The following TMPRSS15 variants were observed in gnomAD, a reference collection of about 807,000 sequenced individuals.
TMPRSS15 encodes enteropeptidase.
Under a neutral mutation model 125.3 loss-of-function variants are expected in TMPRSS15, and 128 were observed. The ratio of observed to expected loss-of-function variants is 1.02; its 90% CI spans 0.89 to 1.18. TMPRSS15 has a LOEUF of 1.18. Ranked by LOEUF, TMPRSS15 falls within the 50% of genes most tolerant of loss-of-function variation. The pLI, the probability that TMPRSS15 is intolerant of heterozygous loss-of-function variation, is 0.00. For missense variants in TMPRSS15, 1,283 were observed against 1,212.7 expected (o/e 1.06, Z -0.86); for synonymous variants, 446 against 423.2 (o/e 1.05, Z -0.66).
At chr21:18,288,409 A>C (rs890637501) in intron 21 of TMPRSS15, among the ~76,000 whole-genome samples, 2 of 152,116 alleles carry the variant, frequency 1.3e-5, no homozygotes, top group Non-Finnish European at 2.9e-5. Context: ...GATACCCTAA[A>C]AGCCCTGACT....
intron 1 of TMPRSS15, among the ~76,000 whole-genome samples, chr21:18,451,571 T>C (rs528284850): frequency 2.6e-5 from 4 of 152,326 alleles, no homozygotes; most frequent in South Asian, 2.1e-4. Flanking sequence ...GACAGCATTA[T>C]AGAAGGGCAG....
At position 18,365,266 on chromosome 21, in the gene TMPRSS15, T is replaced by A; in HGVS notation, c.665-18A>T. On this transcript the variant is annotated intron_variant, in intron 6 of 24. Coordinates refer to ENST00000284885, the MANE Select transcript of TMPRSS15 (RefSeq NM_002772.3). ...AACTGTGGCTGCAAAACGATGCCAA[T>A]TAATGTTAGACAAAAACAATCTTGG... is the stretch of plus-strand genomic sequence containing the variant. The A allele has an allele frequency of 6.3e-7, 1 of 1,588,820 alleles. No homozygotes were observed. The highest frequency in any genetic ancestry group is 8.6e-7 in the Non-Finnish European group (1 of 1,156,928).
intron 5 of TMPRSS15, among the ~76,000 whole-genome samples, chr21:18,377,169 A>C (rs904588861): frequency 2.2e-4 from 34 of 152,162 alleles, no homozygotes; most frequent in African/African-American, 8.0e-4. Context: ...ATGATATTTC[A>C]CCACCTACTT....
intron 17 of TMPRSS15, 65 bp downstream of exon 17, chr21:18,315,081 G>T: frequency 8.0e-7 from 1 of 1,245,670 alleles, no homozygotes; most frequent in Non-Finnish European, 1.2e-6. Flanking sequence ...ATCTTTCTTT[G>T]ACACTGTAGA....
chr21:18,373,026 T>G (rs1195535810), intron 5 of TMPRSS15, among the ~76,000 whole-genome samples: 1 of 152,236 alleles, frequency 6.6e-6, no homozygotes, highest in African/African-American at 2.4e-5. Context: ...TGTGGAAATT[T>G]GAATACTTCT....
chr21:18,483,918 C>A (rs1369829308), intron 1 of TMPRSS15, among the ~76,000 whole-genome samples: 1 of 151,788 alleles, frequency 6.6e-6, no homozygotes, highest in Non-Finnish European at 1.5e-5. Flanking sequence ...AACCAATATG[C>A]CAACACCTAA....
chr21:18,398,797 G>A (rs1601440346), intron 1 of TMPRSS15, among the ~76,000 whole-genome samples: 2 of 152,056 alleles, frequency 1.3e-5, no homozygotes, highest in African/African-American at 4.8e-5. Flanking sequence ...TTCCTGTGAA[G>A]ATTTCAGTGT....
chr21:18,298,271 C>G (rs967493912), intron 18 of TMPRSS15, among the ~76,000 whole-genome samples: 2 of 152,064 alleles, frequency 1.3e-5, no homozygotes, highest in African/African-American at 4.8e-5. Flanking sequence ...TTTGGCTCAT[C>G]TTTTTAAAAG....
At chr21:18,474,575 C>T (rs1378712557) in intron 1 of TMPRSS15, among the ~76,000 whole-genome samples, 1 of 152,052 alleles carries the variant, frequency 6.6e-6, no homozygotes, top group African/African-American at 2.4e-5. Context: ...CAGGTGTGAG[C>T]CACCGCACCT....
rs770944898 is a variant in TMPRSS15 at position 18,353,066 on chromosome 21, A to G, written c.1022-14T>C. 6.8e-6 allele frequency: 11 copies of G among 1,606,720 alleles called. No homozygotes were observed. In the South Asian group the frequency reaches 1.2e-4, roughly 18 times the overall value. ...TTTTCTCATAATCTGTGAATGAAAAAAAAGAAGGAATAAAAAAAATTTAGT... is the reference window on the plus strand; with the variant it reads ...TTTTCTCATAATCTGTGAATGAAAAGAAAGAAGGAATAAAAAAAATTTAGT... On this transcript the variant is annotated splice_polypyrimidine_tract_variant and intron_variant, in intron 9 of 24. Transcript: ENST00000284885.
At chr21:18,338,133 C>T (rs867778690) in intron 13 of TMPRSS15, among the ~76,000 whole-genome samples, 17 of 152,150 alleles carry the variant, frequency 1.1e-4, no homozygotes, top group Non-Finnish European at 2.2e-4. Context: ...CATATAGATA[C>T]ATTTTTAACT....
At chr21:18,402,724 T>A (rs1305251705) in intron 1 of TMPRSS15, among the ~76,000 whole-genome samples, 3 of 152,172 alleles carry the variant, frequency 2.0e-5, no homozygotes, top group Non-Finnish European at 4.4e-5. Flanking sequence ...AGCGGGATTG[T>A]CTAGTTTGGA....
chr21:18,365,550 TTTTCTCTCTTTC>T lies in TMPRSS15; in HGVS notation c.665-314_665-303del, dbSNP rs2075719539. 3.9e-5 allele frequency among the ~76,000 whole-genome samples: 5 copies of T among 127,052 alleles called. No homozygotes were observed. The South Asian group carries it at 1.6e-3, about 40-fold the overall frequency. The allele number at this position is 127,052 out of a possible 152,430, so 83.4% of individuals were successfully genotyped here. A position where few individuals can be genotyped will look rare whatever the true frequency, so the allele number is the denominator to read the frequency against. On this transcript the variant is annotated intron_variant, in intron 6 of 24. Coordinates refer to ENST00000284885, the MANE Select transcript of TMPRSS15 (RefSeq NM_002772.3). ...CTCCCTCCCTTCCTTCTTTCCTTCC[TTTTCTCTCTTTC>T]TTTCTCTCTCTTTCTCTCTTTTTCC...
intron 1 of TMPRSS15, among the ~76,000 whole-genome samples, chr21:18,447,499 A>G (rs983255799): frequency 6.6e-6 from 1 of 151,874 alleles, no homozygotes; most frequent in Admixed American, 6.6e-5. Flanking sequence ...AATGGTCAAC[A>G]TAACTAAATG....
At chr21:18,395,566 A>G (rs551990069) in intron 3 of TMPRSS15, among the ~76,000 whole-genome samples, 2 of 152,336 alleles carry the variant, frequency 1.3e-5, no homozygotes, top group Admixed American at 1.3e-4. Context: ...TACACCAGGA[A>G]CACCATCAGT....
rs2074527730 is a variant in TMPRSS15 at position 18,269,464 on chromosome 21, T to A, written c.*505A>T. The A allele has an allele frequency of 6.3e-6, 1 of 158,020 alleles. No individual in the cohort carries two copies. The highest frequency in any genetic ancestry group is 1.4e-5 in the Non-Finnish European group (1 of 72,048). 9.8% of individuals were successfully genotyped at this position (158,020 alleles called of 1,614,324 possible). A position where few individuals can be genotyped will look rare whatever the true frequency, so the allele number is the denominator to read the frequency against. ...GTTGGGAAAATACTAAGGTTATGCA[T>A]ATGTTGAAAATTTTGATAGAAAAGA... is the stretch of plus-strand genomic sequence containing the variant. On this transcript the variant is annotated 3_prime_UTR_variant, in exon 25 of 25. Transcript: ENST00000284885.
chr21:18,358,194 A>G (rs1244185661), intron 8 of TMPRSS15, among the ~76,000 whole-genome samples: 2 of 151,862 alleles, frequency 1.3e-5, no homozygotes, highest in Non-Finnish European at 1.5e-5. Flanking sequence ...GTATTTGAAG[A>G]GTTAAGAAAC....
At chr21:18,344,990 T>G (rs1452742996) in intron 10 of TMPRSS15, among the ~76,000 whole-genome samples, 1 of 152,182 alleles carries the variant, frequency 6.6e-6, no homozygotes, top group African/African-American at 2.4e-5. Flanking sequence ...GCATATAAAC[T>G]TTAAACTCAT....
chr21:18,346,428 C>G (rs1367641524), intron 10 of TMPRSS15, among the ~76,000 whole-genome samples: 2 of 152,070 alleles, frequency 1.3e-5, no homozygotes, highest in Admixed American at 6.6e-5. Context: ...CTAATTTTGC[C>G]TTGTGGGACT....
Sources: gnomAD v4.1 joint callset for allele counts (sites outside exome capture counted in the v4.1 genomes callset) on GRCh38, gnomAD v4.1.1 for gene constraint, MANE v1.5 for transcripts, NCBI Gene and HGNC (gene_info 2026-07-23, HGNC 2026-07-21) for gene names.